Variants in PHF3 observed in about 807,000 individuals in gnomAD.
PHF3 encodes PHD finger protein 3.
PHF3 carries 41 observed loss-of-function variants against 178.4 expected under a neutral mutation model. The observed-to-expected ratio is 0.23, with a 90% CI of 0.18 to 0.30. PHF3 has a LOEUF of 0.30. Ranked by LOEUF, PHF3 falls within the 10% of genes least tolerant of loss-of-function variation. The probability of loss-of-function intolerance (pLI) is 1.00; values close to 1 mark genes in which losing one functional copy is unlikely to be tolerated. For synonymous variants in PHF3, 842 were observed against 800.5 expected, an observed-to-expected ratio of 1.05 and a Z score of -0.88; for missense variants, 2,346 against 2,398.1, an observed-to-expected ratio of 0.98 and a Z score of 0.45.
intron 7 of PHF3, 25 bp from the exon 8 acceptor site, chr6:63,698,424 A>T: frequency 1.3e-6 from 2 of 1,585,810 alleles, no homozygotes; most frequent in South Asian, 2.3e-5. Flanking sequence ...CATTTGAAAA[A>T]TAATTGAATT....
intron 4 of PHF3, among the ~76,000 whole-genome samples, chr6:63,691,239 ATTG>A (rs1235428279): frequency 2.6e-5 from 4 of 151,992 alleles, no homozygotes; most frequent in South Asian, 2.1e-4. Context: ...TTTTGTTACT[ATTG>A]TTGGTTTTTT....
At position 63,718,802 on chromosome 6, in the gene PHF3, GTTTC is replaced by G. The variant is rs1768267058; in HGVS notation, c.*5097_*5100del. On this transcript the variant is annotated 3_prime_UTR_variant, in exon 16 of 16. Transcript: ENST00000262043. The stretch of plus-strand genomic sequence containing the variant: ...ATATGATGGGAGTGTGGTTCAGGCA[GTTTC>G]TTCTTTTGTAAGCTTTCATAAAACA... Among the ~76,000 whole-genome samples the G allele has an allele frequency of 6.6e-6, 1 of 151,952 alleles. No individual in the cohort carries two copies. The highest frequency in any genetic ancestry group is 6.6e-5 in the Admixed American group (1 of 15,216).
chr6:63,702,107 G>A (rs547303260), intron 9 of PHF3, among the ~76,000 whole-genome samples: 1 of 152,276 alleles, frequency 6.6e-6, no homozygotes, highest in African/African-American at 2.4e-5. Context: ...ACTATTGTGG[G>A]GGATGTTAGA....
At chr6:63,666,774 T>C (rs1480477026) in intron 2 of PHF3, among the ~76,000 whole-genome samples, 4 of 151,206 alleles carry the variant, frequency 2.6e-5, no homozygotes, top group Admixed American at 6.6e-5. Context: ...TTTTTTGAGA[T>C]GGAGTCTTGC....
intron 1 of PHF3, among the ~76,000 whole-genome samples, chr6:63,637,224 C>T (rs557127804): frequency 1.3e-5 from 2 of 152,250 alleles, no homozygotes; most frequent in South Asian, 4.1e-4. Flanking sequence ...ATGCAGTAAA[C>T]TCTGTAGGGA....
chr6:63,669,933 T>C (rs145841877), intron 2 of PHF3, among the ~76,000 whole-genome samples: 79 of 152,320 alleles, frequency 5.2e-4, no homozygotes, highest in African/African-American at 1.7e-3. Flanking sequence ...TTCCAAGTTG[T>C]AGTAATTCTC....
chr6:63,712,528 A>G lies in PHF3; in HGVS notation c.4940A>G (p.Asn1647Ser), dbSNP rs1253766312. 2 of 1,613,840 alleles carry G rather than the reference A, an allele frequency of 1.2e-6. No homozygotes were observed. Among genetic ancestry groups the G allele is most frequent in the East Asian group, 2.2e-5 (1 of 44,844 alleles). The part of the protein sequence containing the change: ...ANTARSPQFI[N>S]LKRDPRQAAG... Reference sequence around the variant, plus strand: ...ACAGCGAGGTCTCCACAGTTTATCAACCTGAAAAGGGATCCTAGGCAAGCA... The same window carrying G: ...ACAGCGAGGTCTCCACAGTTTATCAGCCTGAAAAGGGATCCTAGGCAAGCA... The change falls in exon 16 of 16, where the codon AAC becomes AGC. Residue 1647 changes from asparagine to serine, a missense_variant. Transcript: ENST00000262043.
chr6:63,647,076 A>G (rs1184551022), intron 2 of PHF3, among the ~76,000 whole-genome samples: 1 of 151,844 alleles, frequency 6.6e-6, no homozygotes, highest in African/African-American at 2.4e-5. Context: ...GACACTTACT[A>G]GAATTACAGA....
At chr6:63,671,959 A>T (rs547192224) in intron 2 of PHF3, among the ~76,000 whole-genome samples, 2 of 152,106 alleles carry the variant, frequency 1.3e-5, no homozygotes, top group South Asian at 4.2e-4. Context: ...GTTGGCCAGG[A>T]TGGTCTTGAT....
intron 5 of PHF3, among the ~76,000 whole-genome samples, chr6:63,694,079 T>C (rs540171703): frequency 7.9e-5 from 12 of 152,150 alleles, no homozygotes; most frequent in Admixed American, 2.0e-4. Flanking sequence ...GGAACATTAG[T>C]AGGATGTGAT....
chr6:63,700,516 A>G, intron 9 of PHF3, 50 bp downstream of exon 9: 2 of 1,001,708 alleles, frequency 2.0e-6, no homozygotes, highest in Non-Finnish European at 3.1e-6. Flanking sequence ...TATGTTTTTC[A>G]GCCATTGGGT....
In PHF3 at chr6:63,715,586, C is replaced by T. The variant is rs1381170625; in HGVS notation, c.*1878C>T. ...AAGCTTTTAGGTCAGTTTTTGATCACCTCTTCGCTAATAGTTTTTTCTACA... is the reference window on the plus strand; with the variant it reads ...AAGCTTTTAGGTCAGTTTTTGATCATCTCTTCGCTAATAGTTTTTTCTACA... On this transcript the variant is annotated 3_prime_UTR_variant, in exon 16 of 16. Coordinates refer to ENST00000262043, the MANE Select transcript of PHF3 (RefSeq NM_001370348.2). 1 of 152,056 alleles carries T rather than the reference C, an allele frequency of 6.6e-6. No homozygotes were observed. The highest frequency in any genetic ancestry group is 1.9e-4 in the East Asian group (1 of 5,192). The allele number at this position is 152,056 out of a possible 1,614,324, so 9.4% of individuals were successfully genotyped here.
rs768252425 is a variant in PHF3 at position 63,722,683 on chromosome 6, T to C, written c.*8975T>C. On this transcript the variant is annotated 3_prime_UTR_variant, in exon 16 of 16. Transcript: ENST00000262043. ...TCTCCCTCTGAAATTTCCCAACCTT[T>C]TTCTTTTCTCATCCAGGGATATTCG... 7.2e-5 allele frequency among the ~76,000 whole-genome samples: 11 copies of C among 152,294 alleles called. No individual in the cohort carries two copies. Among genetic ancestry groups the C allele is most frequent in the East Asian group, 1.9e-4 (1 of 5,188 alleles).
chr6:63,676,445 G>C (rs1442301957), intron 2 of PHF3, among the ~76,000 whole-genome samples: 1 of 152,216 alleles, frequency 6.6e-6, no homozygotes, highest in Non-Finnish European at 1.5e-5. Context: ...TCTCTGAGAA[G>C]GTGACATGTA....
chr6:63,644,669 C>T (rs1482554301), intron 1 of PHF3, among the ~76,000 whole-genome samples: 1 of 151,734 alleles, frequency 6.6e-6, no homozygotes, highest in Non-Finnish European at 1.5e-5. Flanking sequence ...ACTGAAACTT[C>T]TATTTAGAAG....
chr6:63,671,989 C>T (rs905729181), intron 2 of PHF3, among the ~76,000 whole-genome samples: 11 of 152,042 alleles, frequency 7.2e-5, no homozygotes, highest in South Asian at 6.2e-4. Flanking sequence ...TCATGATCTG[C>T]GTGCCACCAC....
At chr6:63,707,590 A>G (rs1767747142) in intron 13 of PHF3, among the ~76,000 whole-genome samples, 1 of 152,216 alleles carries the variant, frequency 6.6e-6, no homozygotes, top group South Asian at 2.1e-4. Flanking sequence ...TACTGTATTT[A>G]TGTTGAGATC....
intron 9 of PHF3, among the ~76,000 whole-genome samples, chr6:63,701,696 A>C (rs750696930): frequency 6.6e-6 from 1 of 152,102 alleles, no homozygotes; most frequent in Non-Finnish European, 1.5e-5. Context: ...TTCTTCATAC[A>C]TTCCTTTACC....
At chr6:63,677,993 CA>C (rs1766249062) in intron 2 of PHF3, among the ~76,000 whole-genome samples, 1 of 152,072 alleles carries the variant, frequency 6.6e-6, no homozygotes, top group Non-Finnish European at 1.5e-5. Flanking sequence ...GAGGCCAAGG[CA>C]GACGGATCAC....
Sources: allele counts gnomAD v4.1 joint callset (sites outside exome capture counted in the v4.1 genomes callset), GRCh38; gene constraint gnomAD v4.1.1; transcripts MANE v1.5; gene names NCBI Gene and HGNC (gene_info 2026-07-23, HGNC 2026-07-21).